NETO1: variants seen among roughly 807,000 people sequenced by gnomAD.
NETO1 encodes neuropilin and tolloid-like protein 1.
A neutral mutation model predicts 61.3 loss-of-function variants in NETO1; 26 were observed. The ratio of observed to expected loss-of-function variants is 0.42; its 90% CI spans 0.31 to 0.59. The LOEUF (loss-of-function observed/expected upper bound fraction) is 0.59. NETO1 is among the 20% of genes least tolerant of loss of function. NETO1 has a pLI of 0.12. For missense variants in NETO1, 531 were observed against 662.8 expected (o/e 0.80, Z 2.18); for synonymous variants, 225 against 225.8 (o/e 1.00, Z 0.03).
At chr18:72,770,441 A>G (rs1382637466) in intron 7 of NETO1, among the ~76,000 whole-genome samples, 1 of 152,034 alleles carries the variant, frequency 6.6e-6, no homozygotes, top group Admixed American at 6.6e-5. Flanking sequence ...TGCTTTATGT[A>G]TATTTTAGGA....
At chr18:72,756,979 T>G (rs1042790900) in intron 7 of NETO1, among the ~76,000 whole-genome samples, 3 of 152,146 alleles carry the variant, frequency 2.0e-5, no homozygotes, top group Non-Finnish European at 4.4e-5. Flanking sequence ...GTGATCAGTC[T>G]TTATAGTAAT....
chr18:72,812,207 G>C (rs2072890682), intron 4 of NETO1, among the ~76,000 whole-genome samples: 1 of 152,182 alleles, frequency 6.6e-6, no homozygotes, highest in Admixed American at 6.5e-5. Context: ...AGATTATAAA[G>C]TGACTCAAAG....
At chr18:72,761,302 G>A (rs1382960295) in intron 7 of NETO1, among the ~76,000 whole-genome samples, 1 of 152,144 alleles carries the variant, frequency 6.6e-6, no homozygotes, top group African/African-American at 2.4e-5. Flanking sequence ...TGGAGAATAT[G>A]CCTTTGCTAC....
intron 7 of NETO1, among the ~76,000 whole-genome samples, chr18:72,773,388 A>C (rs2071440484): frequency 6.6e-6 from 1 of 152,144 alleles, no homozygotes; most frequent in African/African-American, 2.4e-5. Flanking sequence ...AAAGAATGTA[A>C]GTTAATAACC....
intron 7 of NETO1, among the ~76,000 whole-genome samples, chr18:72,769,227 A>T (rs1274522822): frequency 1.3e-5 from 2 of 152,186 alleles, no homozygotes; most frequent in Non-Finnish European, 1.5e-5. Flanking sequence ...ACGCACTCAT[A>T]TCAAGGGGAG....
chr18:72,842,423 G>A (rs549822814), intron 4 of NETO1, among the ~76,000 whole-genome samples: 6 of 152,160 alleles, frequency 3.9e-5, no homozygotes, highest in East Asian at 3.9e-4. Flanking sequence ...ATATGGCGAT[G>A]GTGATGATGA....
At chr18:72,866,093 C>T (rs557105258) in intron 1 of NETO1, among the ~76,000 whole-genome samples, 3 of 152,284 alleles carry the variant, frequency 2.0e-5, no homozygotes, top group Non-Finnish European at 2.9e-5. Flanking sequence ...CAAGACAAAA[C>T]ACTAGCAAAA....
In NETO1 at chr18:72,830,832, T is replaced by G. The variant is rs955250857; in HGVS notation, c.469+27994A>C. Reference sequence around the variant, plus strand: ...AGAAAAGGTTTCCGAAAGATTATGCTACACTTATGGGTTCCAGTTGTTCAC... The same window carrying G: ...AGAAAAGGTTTCCGAAAGATTATGCGACACTTATGGGTTCCAGTTGTTCAC... On this transcript the variant is annotated intron_variant, in intron 4 of 10. Transcript: ENST00000327305. The surrounding 1 kb of genome is among the most constrained non-coding windows in gnomAD (Gnocchi z 4.9). Among the ~76,000 whole-genome samples, 10 of 152,198 alleles carry G rather than the reference T, an allele frequency of 6.6e-5. No homozygotes were observed. The highest frequency in any genetic ancestry group is 2.4e-4 in the African/African-American group (10 of 41,454).
At chr18:72,845,824 A>G (rs991449544) in intron 4 of NETO1, among the ~76,000 whole-genome samples, 25 of 152,254 alleles carry the variant, frequency 1.6e-4, no homozygotes, top group African/African-American at 5.8e-4. Flanking sequence ...GTTTATAATC[A>G]TATTGTCTTA....
At chr18:72,787,528 A>G (rs1279280256) in intron 6 of NETO1, among the ~76,000 whole-genome samples, 1 of 152,192 alleles carries the variant, frequency 6.6e-6, no homozygotes, top group Admixed American at 6.5e-5. Context: ...AATTTCTAAC[A>G]TTGCATGTAG....
chr18:72,834,031 T>A, intron 4 of NETO1: 2 of 749,772 alleles, frequency 2.7e-6, no homozygotes, highest in Non-Finnish European at 1.6e-6. Context: ...GAGACAGATA[T>A]ATTTTCATTT....
intron 6 of NETO1, among the ~76,000 whole-genome samples, chr18:72,792,537 G>A (rs1212862499): frequency 6.6e-6 from 1 of 151,302 alleles, no homozygotes; most frequent in Non-Finnish European, 1.5e-5. Flanking sequence ...CCCTCATGTT[G>A]GACCACCATG....
At chr18:72,848,762 C>T (rs2074164427) in intron 4 of NETO1, among the ~76,000 whole-genome samples, 1 of 152,190 alleles carries the variant, frequency 6.6e-6, no homozygotes, top group African/African-American at 2.4e-5. Context: ...AGCACACCTG[C>T]AGCTGAATAG....
intron 4 of NETO1, among the ~76,000 whole-genome samples, chr18:72,809,944 T>G (rs1252993288): frequency 6.6e-6 from 1 of 152,230 alleles, no homozygotes; most frequent in Non-Finnish European, 1.5e-5. Flanking sequence ...CCCTTTTACG[T>G]CTATTTAGCT....
At chr18:72,847,068 A>C (rs1316392281) in intron 4 of NETO1, among the ~76,000 whole-genome samples, 1 of 152,192 alleles carries the variant, frequency 6.6e-6, no homozygotes, top group Non-Finnish European at 1.5e-5. Context: ...CTTACAGAAA[A>C]CTCTTGGGGC....
At chr18:72,804,847 A>C (rs553255813) in intron 4 of NETO1, among the ~76,000 whole-genome samples, 1 of 152,266 alleles carries the variant, frequency 6.6e-6, no homozygotes, top group East Asian at 1.9e-4. Context: ...CCAAATTTCC[A>C]CAATCTCAGA....
chr18:72,762,141 G>T (rs973354009), intron 7 of NETO1, among the ~76,000 whole-genome samples: 4 of 149,908 alleles, frequency 2.7e-5, no homozygotes, highest in African/African-American at 9.8e-5. Flanking sequence ...AACATGTAAA[G>T]TTGGGTAAAA....
chr18:72,765,017 A>C (rs1599119130), intron 7 of NETO1, among the ~76,000 whole-genome samples: 1 of 152,216 alleles, frequency 6.6e-6, no homozygotes, highest in East Asian at 1.9e-4. Context: ...AACCATGGGG[A>C]CCTTGGCCAT....
chr18:72,790,827 A>T (rs1485007376), intron 6 of NETO1, among the ~76,000 whole-genome samples: 20 of 152,084 alleles, frequency 1.3e-4, no homozygotes, highest in Admixed American at 1.3e-3. Context: ...TATTTATTCC[A>T]TGAGTTTTAC....
Sources: gnomAD v4.1 joint callset for allele counts (sites outside exome capture counted in the v4.1 genomes callset) on GRCh38, gnomAD v4.1.1 for gene constraint, Gnocchi (gnomAD v3.1) non-coding constraint, MANE v1.5 for transcripts, NCBI Gene and HGNC (gene_info 2026-07-23, HGNC 2026-07-21) for gene names.